PTPDC1: variants seen among roughly 807,000 people sequenced by gnomAD.
PTPDC1 encodes the protein protein tyrosine phosphatase domain-containing protein 1.
A neutral mutation model predicts 75.3 loss-of-function variants in PTPDC1; 53 were observed. The observed-to-expected ratio is 0.70, with a 90% CI of 0.56 to 0.88. The LOEUF is 0.88. PTPDC1 is among the 40% of genes least tolerant of loss of function. The pLI is 0.00. For synonymous variants in PTPDC1, 349 were observed against 366.2 expected (o/e 0.95, Z 0.54); for missense variants, 925 against 998.6 (o/e 0.93, Z 0.99).
At chr9:94,046,542 T>C (rs1264972537) in intron 1 of PTPDC1, among the ~76,000 whole-genome samples, 2 of 152,172 alleles carry the variant, frequency 1.3e-5, no homozygotes, top group South Asian at 4.1e-4. Context: ...TTGTAGTTCT[T>C]CTTGACGAGG....
At chr9:94,077,868 G>A (rs1281512623) in intron 2 of PTPDC1, among the ~76,000 whole-genome samples, 1 of 152,148 alleles carries the variant, frequency 6.6e-6, no homozygotes, top group East Asian at 1.9e-4. Context: ...GGGACTGACA[G>A]CCACTAGTCA....
intron 1 of PTPDC1, among the ~76,000 whole-genome samples, chr9:94,047,313 T>G (rs188789744): frequency 2.6e-5 from 4 of 152,154 alleles, no homozygotes; most frequent in Non-Finnish European, 2.9e-5. Context: ...TCTCTTTTTT[T>G]GTTGTGTCTC....
chr9:94,051,327 A>G (rs1825786394), intron 1 of PTPDC1, among the ~76,000 whole-genome samples: 1 of 152,084 alleles, frequency 6.6e-6, no homozygotes, highest in Non-Finnish European at 1.5e-5. Context: ...GTAGACTGGA[A>G]CGGTTCCTAT....
chr9:94,083,698 T>G (rs148865515), upstream of PTPDC1, among the ~76,000 whole-genome samples: 4 of 152,356 alleles, frequency 2.6e-5, no homozygotes, highest in Non-Finnish European at 5.9e-5. Context: ...AAATGTGATA[T>G]TTAGTGATCT....
At chr9:94,054,718 A>G (rs1825884033) in intron 1 of PTPDC1, among the ~76,000 whole-genome samples, 1 of 152,280 alleles carries the variant, frequency 6.6e-6, no homozygotes, top group Admixed American at 6.5e-5. Flanking sequence ...CTAATAGACC[A>G]AACCAAAATG....
In PTPDC1 at chr9:94,109,191, A is replaced by G. The variant is rs567194196; in HGVS notation, c.*1247A>G. The G allele has an allele frequency of 6.6e-6, 1 of 152,334 alleles. No homozygotes were observed. The highest frequency in any genetic ancestry group is 1.5e-5 in the Non-Finnish European group (1 of 68,030). 9.4% of individuals were successfully genotyped at this position (152,334 alleles called of 1,614,324 possible). A position where few individuals can be genotyped will look rare whatever the true frequency, so the allele number is the denominator to read the frequency against. On this transcript the variant is annotated 3_prime_UTR_variant, in exon 9 of 9. Coordinates refer to ENST00000620992, the MANE Select transcript of PTPDC1 (RefSeq NM_001253829.2). ...AAGCCATACTTTTATTTAAATTAATATACGTAGATACCAGAGGCCAAGCCA... is the reference window on the plus strand; with the variant it reads ...AAGCCATACTTTTATTTAAATTAATGTACGTAGATACCAGAGGCCAAGCCA...
rs751122590 is a variant in PTPDC1 at position 94,087,857 on chromosome 9, C to T, written c.443C>T (p.Ala148Val). Residue 148 changes from alanine (A) to valine (V), a missense_variant, in exon 3 of 9, where the codon GCC becomes GTC. Coordinates refer to ENST00000620992, the MANE Select transcript of PTPDC1 (RefSeq NM_001253829.2). Reference sequence around the variant, plus strand: ...GTCACTGATAATATACTGGCCATGGCCCGCCCATCCTCTGAGCTCCTGGAG... The same window carrying T: ...GTCACTGATAATATACTGGCCATGGTCCGCCCATCCTCTGAGCTCCTGGAG... Reference protein sequence around the residue: ...SWVTDNILAMARPSSELLEKY... With the variant: ...SWVTDNILAMVRPSSELLEKY... 6.2e-7 allele frequency: 1 copy of T among 1,613,840 alleles called. No homozygotes were observed. The highest frequency in any genetic ancestry group is 2.2e-5 in the East Asian group (1 of 44,866).
chr9:94,106,936 G>GGTTTGTTTGTTTGTTT (rs112737054), intron 8 of PTPDC1, among the ~76,000 whole-genome samples: 3 of 151,356 alleles, frequency 2.0e-5, no homozygotes, highest in East Asian at 3.9e-4. Flanking sequence ...ATCAAGGTGG[G>GGTTTGTTTGTTTGTTT]GTTTGTTTGT....
chr9:94,046,890 G>T (rs1825615859), intron 1 of PTPDC1, among the ~76,000 whole-genome samples: 1 of 152,186 alleles, frequency 6.6e-6, no homozygotes, highest in Admixed American at 6.5e-5. Flanking sequence ...ATGTTGAATA[G>T]GAGTGGTGAG....
At chr9:94,075,596 GA>G in intron 2 of PTPDC1, among the ~76,000 whole-genome samples, 1 of 152,178 alleles carries the variant, frequency 6.6e-6, no homozygotes. Flanking sequence ...AGGCAATAAA[GA>G]ATCCCAGGTA....
intron 2 of PTPDC1, among the ~76,000 whole-genome samples, chr9:94,069,591 G>T (rs533326179): frequency 2.7e-4 from 39 of 144,440 alleles, no homozygotes; most frequent in Middle Eastern, 3.8e-3. Flanking sequence ...TGCAATCTCT[G>T]CTCACTGTAA....
intron 1 of PTPDC1, among the ~76,000 whole-genome samples, chr9:94,040,384 T>G (rs1825394932): frequency 6.6e-6 from 1 of 152,196 alleles, no homozygotes; most frequent in Non-Finnish European, 1.5e-5. Context: ...ACCTATCCCA[T>G]GAACAAATGG....
chr9:94,064,631 C>T, intron 1 of PTPDC1: 1 of 706,294 alleles, frequency 1.4e-6, no homozygotes, highest in Non-Finnish European at 2.4e-6. Flanking sequence ...GCCACTTGGC[C>T]AGTGACTGCA....
intron 2 of PTPDC1, among the ~76,000 whole-genome samples, chr9:94,072,514 A>C (rs1826545327): frequency 6.7e-6 from 1 of 148,734 alleles, no homozygotes; most frequent in African/African-American, 2.6e-5. Context: ...TCCAATTCAT[A>C]TGCTGTTATT....
At chr9:94,088,678 G>T (rs760672980) in intron 4 of PTPDC1, among the ~76,000 whole-genome samples, 17 of 152,114 alleles carry the variant, frequency 1.1e-4, no homozygotes, top group Non-Finnish European at 2.4e-4. Flanking sequence ...CATGCTCCAG[G>T]TTTACTGCTG....
chr9:94,077,410 A>G (rs1826731659), intron 2 of PTPDC1, among the ~76,000 whole-genome samples: 1 of 152,196 alleles, frequency 6.6e-6, no homozygotes, highest in Non-Finnish European at 1.5e-5. Context: ...GCCAGTCACA[A>G]GCCCCAGCTT....
intron 1 of PTPDC1, among the ~76,000 whole-genome samples, chr9:94,058,026 G>A (rs1304003891): frequency 6.6e-6 from 1 of 152,324 alleles, no homozygotes; most frequent in African/African-American, 2.4e-5. Flanking sequence ...TCTGAGAGAA[G>A]AGAAACAAAC....
chr9:94,097,683 GA>G lies in PTPDC1; in HGVS notation c.1120del (p.Ile374Ter). ...GTCCGAAGGACCTGGTCTCTCTGCT[GA>G]AATAGAAAAGACAATGTCTGAGATG... ...DVSEGPGLSA[E>X]IEKTMSEMVT... On this transcript the variant is annotated frameshift_variant, in exon 6 of 9. Transcript: ENST00000620992. LOFTEE classifies it high-confidence loss of function. 6.2e-7 allele frequency: 1 copy of G among 1,614,184 alleles called. No homozygotes were observed.
intron 1 of PTPDC1, among the ~76,000 whole-genome samples, chr9:94,057,641 A>G (rs533884331): frequency 2.6e-5 from 4 of 152,234 alleles, no homozygotes; most frequent in Non-Finnish European, 5.9e-5. Flanking sequence ...TCCTCATTTT[A>G]TAGAAGAAAT....
Sources: gnomAD v4.1 joint callset for allele counts (sites outside exome capture counted in the v4.1 genomes callset) on GRCh38, gnomAD v4.1.1 for gene constraint, MANE v1.5 for transcripts, NCBI Gene and HGNC (gene_info 2026-07-23, HGNC 2026-07-21) for gene names.